SSBP3: variants seen among roughly 807,000 people sequenced by gnomAD.
The protein encoded by SSBP3 is single-stranded DNA-binding protein 3.
In SSBP3, 5 loss-of-function variants were observed where a neutral mutation model predicts 69.6. The ratio of observed to expected loss-of-function variants is 0.07; its 90% CI spans 0.04 to 0.15. The LOEUF (loss-of-function observed/expected upper bound fraction) is 0.15, where lower values mean the gene tolerates loss of function less well. Ranked by LOEUF, SSBP3 falls within the 10% of genes least tolerant of loss-of-function variation. The pLI is 1.00. For missense variants in SSBP3, 312 were observed against 534.0 expected (o/e 0.58, Z 4.10); for synonymous variants, 196 against 193.4 (o/e 1.01, Z -0.11).
chr1:54,346,435 C>T (rs898047014), intron 4 of SSBP3, among the ~76,000 whole-genome samples: 1 of 152,132 alleles, frequency 6.6e-6, no homozygotes. Context: ...GGCACTGTCA[C>T]CCTATGCTGG....
At chr1:54,313,105 C>G (rs530060793) in intron 4 of SSBP3, among the ~76,000 whole-genome samples, 1 of 142,918 alleles carries the variant, frequency 7.0e-6, no homozygotes, top group Non-Finnish European at 1.5e-5. Flanking sequence ...AGGGTTAGGG[C>G]GGTGGAGCCA....
At chr1:54,318,539 A>G (rs529212519) in intron 4 of SSBP3, among the ~76,000 whole-genome samples, 173 of 152,260 alleles carry the variant, frequency 1.1e-3, no homozygotes, top group Non-Finnish European at 1.8e-3. Context: ...ACACCAGTTC[A>G]TCTTCACACC....
chr1:54,235,599 C>G (rs1183614337), intron 14 of SSBP3, among the ~76,000 whole-genome samples: 2 of 151,668 alleles, frequency 1.3e-5, no homozygotes, highest in Non-Finnish European at 2.9e-5. Flanking sequence ...ATTACAGGCA[C>G]CAGCCACCAC....
intron 4 of SSBP3, among the ~76,000 whole-genome samples, chr1:54,373,303 C>T (rs369732866): frequency 3.3e-5 from 5 of 152,226 alleles, no homozygotes; most frequent in East Asian, 1.9e-4. Flanking sequence ...GTCAATCAAG[C>T]GGCCTCTTCC....
chr1:54,257,946 T>G, intron 6 of SSBP3, 123 bp downstream of exon 6: 3 of 879,880 alleles, frequency 3.4e-6, no homozygotes, highest in Non-Finnish European at 4.8e-6. Flanking sequence ...AAAATTTAAT[T>G]TGTCAATAAA....
At chr1:54,321,507 A>C (rs1646213073) in intron 4 of SSBP3, among the ~76,000 whole-genome samples, 1 of 152,270 alleles carries the variant, frequency 6.6e-6, no homozygotes, top group East Asian at 1.9e-4. Flanking sequence ...AAACGCAACA[A>C]AGGCTCTTCT....
chr1:54,390,113 C>G (rs1221251830), intron 4 of SSBP3, among the ~76,000 whole-genome samples: 1 of 152,158 alleles, frequency 6.6e-6, no homozygotes, highest in Non-Finnish European at 1.5e-5. Flanking sequence ...GTTCTTCCGT[C>G]ACGAAATGGG....
intron 4 of SSBP3, among the ~76,000 whole-genome samples, chr1:54,316,658 AATAAAATAAATAAATAAATAAAT>A (rs1191816256): frequency 8.0e-5 from 4 of 50,186 alleles, no homozygotes; most frequent in Admixed American, 2.6e-4. Context: ...AAAAAAAAAA[AATAAAATAAATAAATAAATAAAT>A]AAATAAATAA....
intron 13 of SSBP3, among the ~76,000 whole-genome samples, chr1:54,240,415 G>A (rs566076511): frequency 1.5e-4 from 21 of 135,674 alleles, no homozygotes; most frequent in African/African-American, 5.2e-4. Context: ...CTGAGATTAC[G>A]CCATTGCACT....
chr1:54,265,357 G>A (rs1645083751), intron 5 of SSBP3, among the ~76,000 whole-genome samples: 1 of 152,152 alleles, frequency 6.6e-6, no homozygotes, highest in Non-Finnish European at 1.5e-5. Flanking sequence ...TGTGTTTACA[G>A]GCCAGAGCTG....
At chr1:54,245,095 G>A (rs528599421) in intron 9 of SSBP3, among the ~76,000 whole-genome samples, 1 of 152,234 alleles carries the variant, frequency 6.6e-6, no homozygotes, top group Non-Finnish European at 1.5e-5. Context: ...AAGACCAAAG[G>A]GAGCCTGGCT....
chr1:54,228,886 A>G, intron 14 of SSBP3, 60 bp from the exon 15 acceptor site: 1 of 1,541,518 alleles, frequency 6.5e-7, no homozygotes, highest in Non-Finnish European at 8.9e-7. Flanking sequence ...CACCCCTCAC[A>G]GGCAGGGGGC....
intron 4 of SSBP3, among the ~76,000 whole-genome samples, chr1:54,371,374 C>CAT (rs1647131258): frequency 1.3e-5 from 2 of 152,200 alleles, no homozygotes. Context: ...TGTGCATGAA[C>CAT]ATGTCACACC....
At chr1:54,389,415 A>G (rs1388828568) in intron 4 of SSBP3, among the ~76,000 whole-genome samples, 1 of 152,086 alleles carries the variant, frequency 6.6e-6, no homozygotes. Context: ...CCCTCTACCC[A>G]CAGAGAAGCA....
At chr1:54,278,569 G>C (rs1645333081) in intron 5 of SSBP3, among the ~76,000 whole-genome samples, 1 of 152,214 alleles carries the variant, frequency 6.6e-6, no homozygotes, top group Non-Finnish European at 1.5e-5. Context: ...GCCCTGTGTT[G>C]CTTACCGAGG....
rs1644964845 is a variant in SSBP3 at position 54,258,643 on chromosome 1, C to A, written c.367-494G>T. On this transcript the variant is annotated intron_variant, in intron 5 of 17. Coordinates refer to ENST00000610401, the Ensembl canonical transcript of SSBP3. This position sits in a 1 kb window ranked among gnomAD's most constrained non-coding sequence, Gnocchi z 4.5. Reference sequence around the variant, plus strand: ...TGACACGGCTATGGGTGACTCGAGGCAGTACTGATCAAGTGTCAGGGAGAG... The same window carrying A: ...TGACACGGCTATGGGTGACTCGAGGAAGTACTGATCAAGTGTCAGGGAGAG... Among the ~76,000 whole-genome samples, 1 of 152,090 alleles carries A rather than the reference C, an allele frequency of 6.6e-6. No individual in the cohort carries two copies. The highest frequency in any genetic ancestry group is 6.5e-5 in the Admixed American group (1 of 15,280).
At chr1:54,226,881 T>C in exon 18 of SSBP3, 2 of 510,374 alleles carry the variant, frequency 3.9e-6, no homozygotes, top group Non-Finnish European at 7.3e-6. Context: ...ATTTTTCTGG[T>C]CACTGACTTG....
intron 4 of SSBP3, among the ~76,000 whole-genome samples, chr1:54,379,862 C>T (rs1217280844): frequency 6.6e-6 from 1 of 152,232 alleles, no homozygotes; most frequent in African/African-American, 2.4e-5. Context: ...CCTGCAAGAA[C>T]ACGGCGCATC....
chr1:54,251,698 TGA>T lies in SSBP3; in HGVS notation c.575-8_575-7del, dbSNP rs777534948. ...TCCTCCCATGTTGGGGTGGCCTGCG[TGA>T]GAGAGGAGGCGCGTCATGGGATGGC... On this transcript the variant is annotated splice_polypyrimidine_tract_variant and splice_region_variant and intron_variant, in intron 8 of 17. Transcript: ENST00000610401. 19 of 1,563,682 alleles carry T rather than the reference TGA, an allele frequency of 1.2e-5. No individual in the cohort carries two copies. Among genetic ancestry groups the T allele is most frequent in the Non-Finnish European group, 1.5e-5 (17 of 1,152,498 alleles).
Sources: gnomAD v4.1 joint callset for allele counts (sites outside exome capture counted in the v4.1 genomes callset) on GRCh38, gnomAD v4.1.1 for gene constraint, Gnocchi (gnomAD v3.1) non-coding constraint, MANE v1.5 for transcripts, NCBI Gene and HGNC (gene_info 2026-07-23, HGNC 2026-07-21) for gene names.